DNM1L: variants seen among roughly 807,000 people sequenced by gnomAD.
The protein encoded by DNM1L is dynamin-1-like protein.
Under a neutral mutation model 92.8 loss-of-function variants are expected in DNM1L, and 33 were observed. The ratio of observed to expected loss-of-function variants is 0.36; its 90% confidence interval spans 0.27 to 0.48. DNM1L has a LOEUF of 0.48. Ranked by LOEUF, DNM1L falls within the 20% of genes least tolerant of loss-of-function variation. The pLI is 0.99. For missense variants in DNM1L, 485 were observed against 888.8 expected, an observed-to-expected ratio of 0.55 and a Z score of 5.78; for synonymous variants, 284 against 305.0, an observed-to-expected ratio of 0.93 and a Z score of 0.72.
chr12:32,738,281 A>C lies in DNM1L; in HGVS notation c.1692A>C (p.Arg564Ser). 6.2e-7 allele frequency: 1 copy of C among 1,613,674 alleles called. No individual in the cohort carries two copies. The highest frequency in any genetic ancestry group is 1.3e-5 in the African/African-American group (1 of 75,032). ...TTTAACAGTTAATTCAGGACAGCAG[A>C]AGAGAAACTAAAAATGTGAGTCTCT... The part of the protein sequence containing the change: ...EADGKLIQDS[R>S]RETKNVASGG... The change falls in exon 16 of 20, where the codon AGA becomes AGC. Residue 564 changes from arginine to serine, a missense_variant. Physicochemically the swap from Arg to Ser is moderately radical, Grantham distance 110 (BLOSUM62 -1). Coordinates refer to ENST00000549701, the MANE Select transcript of DNM1L (RefSeq NM_012062.5).
intron 12 of DNM1L, among the ~76,000 whole-genome samples, chr12:32,732,854 T>C (rs180994244): frequency 1.3e-5 from 2 of 152,302 alleles, no homozygotes; most frequent in Non-Finnish European, 2.9e-5. Flanking sequence ...CCCAACACTT[T>C]GGGAAGTCGA....
chr12:32,709,936 A>C (rs919226984), intron 4 of DNM1L, among the ~76,000 whole-genome samples: 3 of 152,236 alleles, frequency 2.0e-5, no homozygotes, highest in African/African-American at 7.2e-5. Flanking sequence ...AAGGATATTA[A>C]AAACTTGCTG....
chr12:32,727,923 A>G (rs531004530), intron 9 of DNM1L, among the ~76,000 whole-genome samples: 9 of 152,344 alleles, frequency 5.9e-5, no homozygotes, highest in Admixed American at 5.9e-4. Context: ...AGGATATAAC[A>G]TCCTTAGAAT....
intron 1 of DNM1L, among the ~76,000 whole-genome samples, chr12:32,685,891 C>G (rs1340033385): frequency 1.3e-5 from 2 of 151,896 alleles, no homozygotes; most frequent in African/African-American, 4.8e-5. Flanking sequence ...TACATTTTAG[C>G]ATTTATTGAC....
intron 6 of DNM1L, among the ~76,000 whole-genome samples, chr12:32,717,075 A>T (rs116174979): frequency 1.5e-5 from 2 of 133,554 alleles, no homozygotes; most frequent in Non-Finnish European, 3.1e-5. Context: ...ATACATAGGT[A>T]TATATATATA....
intron 1 of DNM1L, among the ~76,000 whole-genome samples, chr12:32,695,551 G>A (rs370042788): frequency 6.6e-6 from 1 of 152,092 alleles, no homozygotes. Flanking sequence ...AGGAGGATTC[G>A]CTTGAGTCCA....
intron 6 of DNM1L, among the ~76,000 whole-genome samples, chr12:32,715,151 T>C (rs1241173658): frequency 6.6e-6 from 1 of 151,158 alleles, no homozygotes; most frequent in African/African-American, 2.4e-5. Context: ...TGGAGTGCAG[T>C]GGCACAATCA....
At chr12:32,707,474 T>G in intron 3 of DNM1L, 61 bp downstream of exon 3, 1 of 1,213,166 alleles carries the variant, frequency 8.2e-7, no homozygotes, top group South Asian at 1.6e-5. Context: ...TATGAATACT[T>G]GATAATTTAG....
intron 6 of DNM1L, 53 bp downstream of exon 6, chr12:32,713,424 C>A: frequency 6.3e-7 from 1 of 1,590,434 alleles, no homozygotes; most frequent in Non-Finnish European, 8.6e-7. Context: ...GGTAAATCTA[C>A]CCTTGAGAAA....
rs184739500 is a variant in DNM1L at position 32,712,034 on chromosome 12, G to A, written c.456+1019G>A. 4.5e-4 allele frequency among the ~76,000 whole-genome samples: 69 copies of A among 152,224 alleles called. No individual in the cohort carries two copies. The East Asian group carries it at 8.3e-3, about 18-fold the overall frequency. ...TACAGTATATCCAGAACTCAATCGT[G>A]TTTTATAAATTCATATTTACTGTCC... On this transcript the variant is annotated intron_variant, in intron 5 of 19. Transcript: ENST00000549701.
At chr12:32,737,245 T>G in intron 14 of DNM1L, 84 bp downstream of exon 14, 1 of 1,421,890 alleles carries the variant, frequency 7.0e-7, no homozygotes, top group Non-Finnish European at 9.8e-7. Context: ...TAGGAGTAAT[T>G]TTTTCTTCTT....
At chr12:32,704,828 T>A (rs1391645597) in intron 2 of DNM1L, among the ~76,000 whole-genome samples, 1 of 152,166 alleles carries the variant, frequency 6.6e-6, no homozygotes, top group Non-Finnish European at 1.5e-5. Flanking sequence ...ATCCAATGTA[T>A]GTTTCAAATA....
rs543177370 is a variant in DNM1L, at chr12:32,679,732, G to T, written c.102+267G>T. On this transcript the variant is annotated intron_variant, in intron 1 of 19. Coordinates refer to ENST00000549701, the MANE Select transcript of DNM1L (RefSeq NM_012062.5). ...CCTGGCTAGCCCGGCGGGTCCCGGGGACAGGAGAGGGAAGGATGGGGCCGG... is the reference window on the plus strand; with the variant it reads ...CCTGGCTAGCCCGGCGGGTCCCGGGTACAGGAGAGGGAAGGATGGGGCCGG... 4.3e-6 allele frequency: 5 copies of T among 1,162,282 alleles called. No individual in the cohort carries two copies. The East Asian group carries it at 2.5e-4, about 57-fold the overall frequency. The allele number at this position is 1,162,282 out of a possible 1,614,324, so 72.0% of individuals were successfully genotyped here. A position where few individuals can be genotyped will look rare whatever the true frequency, so the allele number is the denominator to read the frequency against.
At chr12:32,724,225 A>G (rs1953954075) in intron 9 of DNM1L, among the ~76,000 whole-genome samples, 1 of 152,156 alleles carries the variant, frequency 6.6e-6, no homozygotes, top group Non-Finnish European at 1.5e-5. Context: ...CTATGCAGTC[A>G]TACAGAAAAA....
chr12:32,712,649 CAAAAAAAAAAA>C (rs59906286), intron 5 of DNM1L, among the ~76,000 whole-genome samples: 5 of 29,792 alleles, frequency 1.7e-4, no homozygotes, highest in South Asian at 3.4e-3. Flanking sequence ...GACCCTGTCT[CAAAAAAAAAAA>C]AAAAAAAAAA....
intron 6 of DNM1L, among the ~76,000 whole-genome samples, 157 bp from the exon 7 acceptor site, chr12:32,718,486 A>G (rs1953653304): frequency 6.6e-6 from 1 of 152,176 alleles, no homozygotes; most frequent in African/African-American, 2.4e-5. Context: ...ATTATTTTTA[A>G]AAAAGCACTG....
intron 1 of DNM1L, among the ~76,000 whole-genome samples, chr12:32,686,937 CTTTTTTTTTT>C (rs71447614): frequency 4.2e-5 from 4 of 95,606 alleles, no homozygotes; most frequent in East Asian, 2.6e-4. Flanking sequence ...TCTTTTTTTT[CTTTTTTTTTT>C]TTTTTTTTTG....
At chr12:32,683,596 G>A (rs1345678248) in intron 1 of DNM1L, among the ~76,000 whole-genome samples, 1 of 151,988 alleles carries the variant, frequency 6.6e-6, no homozygotes, top group East Asian at 1.9e-4. Context: ...CCAGGCTGGA[G>A]TGCAGTGGTG....
chr12:32,708,695 T>C (rs967391538), intron 4 of DNM1L, among the ~76,000 whole-genome samples: 1 of 152,110 alleles, frequency 6.6e-6, no homozygotes, highest in African/African-American at 2.4e-5. Context: ...TTTTTTTCTT[T>C]TTTTTAGTGA....
Sources: gnomAD v4.1 joint callset for allele counts (sites outside exome capture counted in the v4.1 genomes callset) on GRCh38, gnomAD v4.1.1 for gene constraint, MANE v1.5 for transcripts, NCBI Gene and HGNC (gene_info 2026-07-23, HGNC 2026-07-21) for gene names.